Variants in CPQ observed in about 807,000 individuals in gnomAD.
The protein encoded by CPQ is carboxypeptidase Q.
Under a neutral mutation model 45.7 loss-of-function variants are expected in CPQ, and 37 were observed. The observed-to-expected ratio is 0.81, with a 90% CI of 0.62 to 1.07. The LOEUF (loss-of-function observed/expected upper bound fraction) is 1.07. Among genes scored for constraint, CPQ ranks in the 50% least tolerant of loss-of-function variants. The probability of loss-of-function intolerance (pLI) is 0.00; values close to 1 mark genes in which losing one functional copy is unlikely to be tolerated. For missense variants in CPQ, 537 were observed against 572.9 expected, an observed-to-expected ratio of 0.94 and a Z score of 0.64; for synonymous variants, 186 against 205.8, an observed-to-expected ratio of 0.90 and a Z score of 0.82.
intron 2 of CPQ, among the ~76,000 whole-genome samples, chr8:96,787,277 G>A (rs1810781071): frequency 1.3e-5 from 2 of 151,904 alleles, no homozygotes; most frequent in East Asian, 1.9e-4. Flanking sequence ...TTCTTCTTTT[G>A]AATGTGGTCA....
intron 1 of CPQ, among the ~76,000 whole-genome samples, chr8:96,691,824 A>G (rs2130737665): frequency 6.6e-6 from 1 of 152,258 alleles, no homozygotes; most frequent in East Asian, 1.9e-4. Context: ...TTTTCGGTAG[A>G]GGCAAGCCTA....
chr8:96,976,384 C>CATAAT (rs1410667070), intron 5 of CPQ, among the ~76,000 whole-genome samples: 2 of 151,754 alleles, frequency 1.3e-5, no homozygotes, highest in East Asian at 3.9e-4. Flanking sequence ...ATCCCATGCT[C>CATAAT]ATGGATGGGT....
At chr8:96,939,939 T>A (rs1813103137) in intron 4 of CPQ, among the ~76,000 whole-genome samples, 2 of 152,306 alleles carry the variant, frequency 1.3e-5, no homozygotes, top group East Asian at 1.9e-4. Flanking sequence ...ATTAGAAGTA[T>A]GTAAGAATTC....
chr8:96,982,416 G>C (rs186864039), intron 5 of CPQ, among the ~76,000 whole-genome samples: 31 of 152,140 alleles, frequency 2.0e-4, no homozygotes, highest in Admixed American at 1.0e-3. Context: ...TCAGCTCACT[G>C]CTGCCTCAAA....
intron 1 of CPQ, among the ~76,000 whole-genome samples, chr8:96,783,282 T>TGTGTGTGTGTGTGCGTGC (rs1282570815): frequency 6.6e-6 from 1 of 152,068 alleles, no homozygotes; most frequent in African/African-American, 2.4e-5. Context: ...TGTGTGTGTG[T>TGTGTGTGTGTGTGCGTGC]GTGCTGCTTT....
intron 4 of CPQ, among the ~76,000 whole-genome samples, chr8:96,953,100 A>C (rs1465547293): frequency 6.6e-6 from 1 of 152,124 alleles, no homozygotes; most frequent in African/African-American, 2.4e-5. Flanking sequence ...GTTCCAGTTG[A>C]AGAGCAGCAT....
intron 6 of CPQ, among the ~76,000 whole-genome samples, chr8:97,047,752 C>G (rs1810284724): frequency 6.6e-6 from 1 of 152,078 alleles, no homozygotes; most frequent in South Asian, 2.1e-4. Context: ...TTAAAAAGTT[C>G]AGAGATCTTT....
intron 5 of CPQ, among the ~76,000 whole-genome samples, chr8:96,968,225 C>T (rs980856041): frequency 1.3e-5 from 2 of 152,174 alleles, no homozygotes; most frequent in Non-Finnish European, 2.9e-5. Context: ...GTGACCCCTC[C>T]ACTTTTTTTC....
intron 1 of CPQ, among the ~76,000 whole-genome samples, chr8:96,715,848 G>A (rs1296511069): frequency 6.6e-6 from 1 of 152,178 alleles, no homozygotes; most frequent in Non-Finnish European, 1.5e-5. Flanking sequence ...GCTCCTCTTA[G>A]TTTAGCCACC....
chr8:96,911,058 T>C (rs1325835868), intron 4 of CPQ, among the ~76,000 whole-genome samples: 1 of 152,132 alleles, frequency 6.6e-6, no homozygotes, highest in East Asian at 1.9e-4. Context: ...TAGGACTTTT[T>C]ATGATGTGAA....
intron 6 of CPQ, among the ~76,000 whole-genome samples, chr8:97,040,901 T>G (rs1810109601): frequency 6.6e-6 from 1 of 152,210 alleles, no homozygotes; most frequent in Non-Finnish European, 1.5e-5. Flanking sequence ...GTAGTATAGT[T>G]TGAAGTCAGG....
At chr8:96,669,814 T>A (rs921981810) in intron 1 of CPQ, among the ~76,000 whole-genome samples, 12 of 152,340 alleles carry the variant, frequency 7.9e-5, no homozygotes, top group African/African-American at 2.6e-4. Context: ...TAATTGATTC[T>A]TGTTAATCAT....
chr8:96,957,272 G>A (rs189401751), intron 4 of CPQ, among the ~76,000 whole-genome samples: 97 of 152,224 alleles, frequency 6.4e-4, no homozygotes, highest in Non-Finnish European at 1.2e-3. Context: ...GAAATGCTTT[G>A]AGTAACTTTC....
intron 1 of CPQ, among the ~76,000 whole-genome samples, chr8:96,706,148 G>A (rs990854265): frequency 1.3e-5 from 2 of 152,118 alleles, no homozygotes; most frequent in Non-Finnish European, 2.9e-5. Flanking sequence ...GTTTTAATAC[G>A]TGATCTTTGC....
At chr8:96,899,315 G>C (rs1812484610) in intron 4 of CPQ, among the ~76,000 whole-genome samples, 1 of 152,190 alleles carries the variant, frequency 6.6e-6, no homozygotes, top group African/African-American at 2.4e-5. Context: ...TTTCACGTTT[G>C]AGCAATTACC....
chr8:96,727,144 A>G (rs1243517004), intron 1 of CPQ, among the ~76,000 whole-genome samples: 1 of 152,190 alleles, frequency 6.6e-6, no homozygotes, highest in Non-Finnish European at 1.5e-5. Flanking sequence ...ACACTTAGTG[A>G]CTAAATTACT....
intron 6 of CPQ, among the ~76,000 whole-genome samples, chr8:97,038,678 T>C (rs1222391161): frequency 6.6e-6 from 1 of 151,884 alleles, no homozygotes; most frequent in East Asian, 1.9e-4. Flanking sequence ...AAATCAGGGG[T>C]TGGCAAACTT....
intron 6 of CPQ, among the ~76,000 whole-genome samples, chr8:97,040,876 G>C (rs1354405000): frequency 6.6e-6 from 1 of 152,134 alleles, no homozygotes; most frequent in Non-Finnish European, 1.5e-5. Flanking sequence ...ATGCTGTTTG[G>C]GTTACTGTAG....
At chr8:96,811,208 C>T (rs984329603) in intron 2 of CPQ, among the ~76,000 whole-genome samples, 4 of 152,050 alleles carry the variant, frequency 2.6e-5, no homozygotes, top group Admixed American at 6.6e-5. Flanking sequence ...AACTACAGCA[C>T]GTTATCTATG....
Sources: gnomAD v4.1 joint callset for allele counts (sites outside exome capture counted in the v4.1 genomes callset) on GRCh38, gnomAD v4.1.1 for gene constraint, MANE v1.5 for transcripts, NCBI Gene and HGNC (gene_info 2026-07-23, HGNC 2026-07-21) for gene names.